Variants in XPO1 observed in about 807,000 individuals in gnomAD.
XPO1 encodes exportin 1.
XPO1 carries 5 observed loss-of-function variants against 133.3 expected under a neutral mutation model. That is an observed-to-expected ratio of 0.04 (90% CI 0.02 to 0.08). The LOEUF (loss-of-function observed/expected upper bound fraction) is 0.08. Among genes scored for constraint, XPO1 ranks in the 10% least tolerant of loss-of-function variants. The pLI is 1.00. For missense variants in XPO1, 506 were observed against 1,267.5 expected, an observed-to-expected ratio of 0.40 and a Z score of 9.12; for synonymous variants, 419 against 408.2, an observed-to-expected ratio of 1.03 and a Z score of -0.32.
At chr2:61,525,864 G>A (rs1698886818) in intron 3 of XPO1, 1 of 1,045,314 alleles carries the variant, frequency 9.6e-7, no homozygotes, top group Non-Finnish European at 1.2e-6. Context: ...ATTACTTTAA[G>A]GCAGTTTAAA....
intron 2 of XPO1, among the ~76,000 whole-genome samples, chr2:61,530,236 C>T (rs1393971662): frequency 6.6e-6 from 1 of 152,166 alleles, no homozygotes; most frequent in African/African-American, 2.4e-5. Context: ...ACACTATCAC[C>T]ACTCACATCA....
intron 2 of XPO1, among the ~76,000 whole-genome samples, chr2:61,531,028 T>C (rs1237298288): frequency 6.6e-6 from 1 of 152,122 alleles, no homozygotes; most frequent in Non-Finnish European, 1.5e-5. Flanking sequence ...AAGCAATGAC[T>C]AGAGAGAGCT....
intron 2 of XPO1, among the ~76,000 whole-genome samples, chr2:61,530,827 G>A (rs531315694): frequency 1.5e-4 from 23 of 151,234 alleles, no homozygotes; most frequent in African/African-American, 5.1e-4. Flanking sequence ...TATTTTATGA[G>A]TAGCAAAAAA....
Position 61,530,706 on chromosome 2 carries a change from T to A in XPO1, c.126+3066A>T, listed in dbSNP as rs996137740. Among the ~76,000 whole-genome samples the A allele has an allele frequency of 2.0e-5, 3 of 148,406 alleles. No homozygotes were observed. In the Admixed American group the frequency reaches 2.0e-4, roughly 10 times the overall value. On this transcript the variant is annotated intron_variant, in intron 2 of 24. Transcript: ENST00000401558. ...CACCCTTGTAAATAATTTCTTCCCC[T>A]CCCCCAAGTTACACATTCCTTTAAA... is the stretch of plus-strand genomic sequence containing the variant.
intron 4 of XPO1, among the ~76,000 whole-genome samples, chr2:61,505,338 T>G (rs1029475552): frequency 1.3e-5 from 2 of 152,154 alleles, no homozygotes; most frequent in African/African-American, 2.4e-5. Flanking sequence ...ATTTTCCTTT[T>G]AAATGAACAC....
At chr2:61,498,341 A>G (rs780474315) in intron 9 of XPO1, among the ~76,000 whole-genome samples, 1 of 152,220 alleles carries the variant, frequency 6.6e-6, no homozygotes, top group Non-Finnish European at 1.5e-5. Flanking sequence ...ACATGGTATC[A>G]ATTTTAAATT....
intron 2 of XPO1, among the ~76,000 whole-genome samples, chr2:61,531,414 TAAAAC>T (rs896826712): frequency 2.0e-4 from 30 of 152,214 alleles, no homozygotes; most frequent in African/African-American, 7.2e-4. Flanking sequence ...AAGTCAATTT[TAAAAC>T]AAACCATTAA....
At chr2:61,531,618 C>T (rs561748053) in intron 2 of XPO1, among the ~76,000 whole-genome samples, 2 of 152,264 alleles carry the variant, frequency 1.3e-5, no homozygotes, top group Admixed American at 6.5e-5. Context: ...TGAATCTATG[C>T]GGAAAAAATT....
rs559734520 is a variant in XPO1, at chr2:61,501,121, T to A, written c.408+875A>T. Among the ~76,000 whole-genome samples, 26 of 152,276 alleles carry A rather than the reference T, an allele frequency of 1.7e-4. No individual in the cohort carries two copies. In the East Asian group the frequency reaches 3.5e-3, roughly 20 times the overall value. On this transcript the variant is annotated intron_variant, in intron 6 of 24. Transcript: ENST00000401558. ...TCTCTCTCACCACTCAGAGAAGGGCTAACAGAAAGCTCTAAAGTATAATAA... is the reference window on the plus strand; with the variant it reads ...TCTCTCTCACCACTCAGAGAAGGGCAAACAGAAAGCTCTAAAGTATAATAA...
chr2:61,487,753 A>G (rs1439858378), intron 19 of XPO1, among the ~76,000 whole-genome samples: 2 of 152,226 alleles, frequency 1.3e-5, no homozygotes, highest in South Asian at 2.1e-4. Flanking sequence ...AGGGTGTAAA[A>G]AAGACTTTCA....
rs1174540451 is a variant in XPO1, at chr2:61,493,993, T to C, written c.1146A>G (p.Arg382=). 6.2e-7 allele frequency: 1 copy of C among 1,613,948 alleles called. No individual in the cohort carries two copies. The highest frequency in any genetic ancestry group is 1.3e-5 in the African/African-American group (1 of 74,910). The part of the protein sequence containing the change: ...YWNHLAAELY[R]ESPFSTSASP... ...AGGCAGATGTAGAGAATGGACTCTC[T>C]CTATAGAGTTCAGCAGCCAAATGAT... The change falls in exon 12 of 25, where the codon AGA becomes AGG. Residue 382 remains arginine, a synonymous_variant. Coordinates refer to ENST00000401558, the MANE Select transcript of XPO1 (RefSeq NM_003400.4).
In XPO1 at chr2:61,485,926, C is replaced by T. The variant is rs200097061; in HGVS notation, c.2350G>A (p.Val784Ile). 2 of 1,613,320 alleles carry T rather than the reference C, an allele frequency of 1.2e-6. No homozygotes were observed. The highest frequency in any genetic ancestry group is 1.7e-5 in the Admixed American group (1 of 59,844). ...ACATTTCTCTGATAATCAATGAGAA[C>T]TGCATCCAACAGAGGGGGAACAAAA... ...ENFVPPLLDA[V>I]LIDYQRNVPA... is the part of the protein sequence containing the mutation. The change falls in exon 20 of 25, where the codon GTT (valine) becomes ATT (isoleucine). Residue 784 changes from valine (V) to isoleucine (I), a missense_variant. Transcript: ENST00000401558.
At chr2:61,498,527 GT>G (rs2104486678) in intron 9 of XPO1, 145 bp downstream of exon 9, 1 of 950,284 alleles carries the variant, frequency 1.1e-6, no homozygotes. Flanking sequence ...TTTACTAGGT[GT>G]GAATATGGGA....
At position 61,482,478 on chromosome 2, in the gene XPO1, T is replaced by C; in HGVS notation, c.2874A>G (p.Ile958Met). The C allele has an allele frequency of 1.2e-6, 2 of 1,613,462 alleles. No homozygotes were observed. The highest frequency in any genetic ancestry group is 1.7e-6 in the Non-Finnish European group (2 of 1,179,770). ...GATTTCCAGGATTTAATGATGTACT[T>C]ATTTTTCCTTCTTCAACCAAATTAA... is the stretch of plus-strand genomic sequence containing the variant. Reference protein sequence around the residue: ...YMFNLVEEGKISTSLNPGNPV... With the variant: ...YMFNLVEEGKMSTSLNPGNPV... Residue 958 changes from isoleucine (I) to methionine (M), a missense_variant, in exon 23 of 25, where the codon ATA becomes ATG. This residue lies in a region of XPO1 where 203 missense variants were observed against 365.9 expected (regional missense o/e 0.55). Transcript: ENST00000401558.
chr2:61,491,612 C>G (rs989972805), intron 16 of XPO1, among the ~76,000 whole-genome samples: 1 of 149,344 alleles, frequency 6.7e-6, no homozygotes, highest in East Asian at 2.0e-4. Flanking sequence ...GAAAATTTAA[C>G]CAGGCTGGGC....
chr2:61,485,625 G>A (rs776937377), intron 20 of XPO1, 143 bp downstream of exon 20: 1 of 793,164 alleles, frequency 1.3e-6, no homozygotes, highest in South Asian at 2.5e-5. Context: ...TGAAAACCAA[G>A]AAAGTATTTC....
At chr2:61,495,346 TTAAG>T (rs1240622908) in intron 11 of XPO1, 105 bp downstream of exon 11, 3 of 859,678 alleles carry the variant, frequency 3.5e-6, no homozygotes, top group African/African-American at 1.7e-5. Flanking sequence ...TGATCAAATA[TTAAG>T]TAATAAGAAA....
chr2:61,526,122 C>G (rs1698896325), intron 3 of XPO1: 1 of 1,160,216 alleles, frequency 8.6e-7, no homozygotes, highest in Admixed American at 4.8e-5. Context: ...TGTTTAATCT[C>G]TGAATAACAT....
chr2:61,495,663 A>G (rs747373281), intron 10 of XPO1, 50 bp from the exon 11 acceptor site: 49 of 1,469,518 alleles, frequency 3.3e-5, no homozygotes, highest in Non-Finnish European at 4.4e-5. Flanking sequence ...AAACAACTAA[A>G]GACACTTAAT....
Sources: allele counts gnomAD v4.1 joint callset (sites outside exome capture counted in the v4.1 genomes callset), GRCh38; gene constraint gnomAD v4.1.1; regional missense constraint gnomAD v4.1.1; transcripts MANE v1.5; gene names NCBI Gene and HGNC (gene_info 2026-07-23, HGNC 2026-07-21).